PRPF8: variants seen among roughly 807,000 people sequenced by gnomAD.
PRPF8 encodes the protein pre-mRNA processing factor 8.
Under a neutral mutation model 285.9 loss-of-function variants are expected in PRPF8, and 64 were observed. The observed-to-expected ratio is 0.22, with a 90% CI of 0.18 to 0.28. The LOEUF is 0.28. Ranked by LOEUF, PRPF8 falls within the 10% of genes least tolerant of loss-of-function variation. PRPF8 has a pLI of 1.00. For synonymous variants in PRPF8, 1,325 were observed against 1,118.2 expected (o/e 1.18, Z -3.69); for missense variants, 1,426 against 3,026.7 (o/e 0.47, Z 12.41).
intron 28 of PRPF8, 32 bp downstream of exon 28, chr17:1,660,961 G>A (rs368265820): frequency 2.2e-5 from 35 of 1,613,000 alleles, no homozygotes; most frequent in Non-Finnish European, 2.5e-5. Context: ...AAAGGGTTGT[G>A]ACAGGTCCCT....
rs1290983270 is a variant in PRPF8 at position 1,673,326 on chromosome 17, C to G, written c.3657+31G>C. On this transcript the variant is annotated intron_variant, in intron 23 of 42. Transcript: ENST00000304992. The surrounding 1 kb of genome is among the most constrained non-coding windows in gnomAD (Gnocchi z 5.5). ...CTGACCCAGGAAGTGCAGGCGCGTT[C>G]ATGTCACTCCCAGCCCCGCCCAGGC... 5 of 1,612,742 alleles carry G rather than the reference C, an allele frequency of 3.1e-6. No homozygotes were observed. The highest frequency in any genetic ancestry group is 2.7e-5 in the African/African-American group (2 of 74,924).
rs749422559 is a variant in PRPF8 at position 1,674,513 on chromosome 17, G to A, written c.3228C>T (p.Asp1076=). Residue 1076 remains aspartate, a synonymous_variant, in exon 21 of 43, where the codon GAC becomes GAT. Coordinates refer to ENST00000304992, the MANE Select transcript of PRPF8 (RefSeq NM_006445.4). ...TGGGGTGGGCAGCCTCAGTGGCTATGTCCTGGAAACTGAGAAAGTCATTTG... is the reference window on the plus strand; with the variant it reads ...TGGGGTGGGCAGCCTCAGTGGCTATATCCTGGAAACTGAGAAAGTCATTTG... ...QMPNDFLSFQ[D]IATEAAHPIR... is the part of the protein sequence containing the mutation. 3.7e-6 allele frequency: 6 copies of A among 1,614,060 alleles called. No individual in the cohort carries two copies. In the African/African-American group the frequency reaches 5.3e-5, roughly 14 times the overall value.
Position 1,658,007 on chromosome 17 carries a change from T to A in PRPF8, c.5505+246A>T, listed in dbSNP as rs1373198736. 6.6e-6 allele frequency among the ~76,000 whole-genome samples: 1 copy of A among 150,824 alleles called. No individual in the cohort carries two copies. The highest frequency in any genetic ancestry group is 2.4e-5 in the African/African-American group (1 of 40,862). On this transcript the variant is annotated intron_variant, in intron 34 of 42. Coordinates refer to ENST00000304992, the MANE Select transcript of PRPF8 (RefSeq NM_006445.4). This position sits in a 1 kb window ranked among gnomAD's most constrained non-coding sequence, Gnocchi z 4.1. Reference sequence around the variant, plus strand: ...AAAAAAAAAGAGTATGCGTTGCCTTTGGAAAAATGATTTTTGATAGCCCTG... The same window carrying A: ...AAAAAAAAAGAGTATGCGTTGCCTTAGGAAAAATGATTTTTGATAGCCCTG...
Position 1,661,208 on chromosome 17 carries a change from C to T in PRPF8, c.4339-46G>A. 1 of 1,614,080 alleles carries T rather than the reference C, an allele frequency of 6.2e-7. No individual in the cohort carries two copies. Among genetic ancestry groups the T allele is most frequent in the Non-Finnish European group, 8.5e-7 (1 of 1,180,014 alleles). On this transcript the variant is annotated intron_variant, in intron 27 of 42. Coordinates refer to ENST00000304992, the MANE Select transcript of PRPF8 (RefSeq NM_006445.4). This position sits in a 1 kb window ranked among gnomAD's most constrained non-coding sequence, Gnocchi z 7.3. ...GGTCAAGCTTCTGGGTGCCTATTGC[C>T]CCAAGTTTCGGGGATAGCCATGGAT...
chr17:1,677,170 G>A lies in PRPF8; in HGVS notation c.1987C>T (p.Arg663Ter). 1 of 1,613,114 alleles carries A rather than the reference G, an allele frequency of 6.2e-7. No homozygotes were observed. Residue 663 changes from arginine to a stop codon, truncating the protein, a stop_gained and splice_region_variant, in exon 15 of 43, where the codon CGA becomes TGA. Coordinates refer to ENST00000304992, the MANE Select transcript of PRPF8 (RefSeq NM_006445.4). LOFTEE classifies it high-confidence loss of function. ...GTCTTTGCCACCCCCTTTGAGTGTC[G>A]ACCTGGAAGTAGAGTGTCCCAAGGG... ...GNLLARQFEGRHSKGVAKTVT... is the reference protein window; with the variant it reads ...GNLLARQFEG
Position 1,681,839 on chromosome 17 carries a change from G to A in PRPF8, c.634C>T (p.Pro212Ser). 1.2e-6 allele frequency: 2 copies of A among 1,613,800 alleles called. No individual in the cohort carries two copies. The highest frequency in any genetic ancestry group is 4.5e-5 in the East Asian group (2 of 44,886). Residue 212 changes from proline to serine, a missense_variant, in exon 5 of 43, where the codon CCG (proline) becomes TCG (serine). By Grantham distance (74) the Pro-to-Ser change is moderately conservative. Transcript: ENST00000304992. ...PVLDWFYDHQ[P>S]LRDSRKYVNG... is the part of the protein sequence containing the mutation. ...ACTCACTTCCTGCTGTCCCTCAACG[G>A]CTGGTGGTCATAGAACCAGTCCAAC...
intron 24 of PRPF8, among the ~76,000 whole-genome samples, chr17:1,665,450 A>C (rs1329187330): frequency 1.3e-5 from 2 of 152,030 alleles, no homozygotes; most frequent in African/African-American, 4.8e-5. Flanking sequence ...AGGCAGGAGA[A>C]TGACACAAAC....
Position 1,684,498 on chromosome 17 carries a change from A to T in PRPF8, c.74T>A (p.Met25Lys). ...PGPLAPLPDY[M>K]SEEKLQEKAR... ...TTTCTCCTGCAGCTTCTCCTCCGAC[A>T]TGTAGTCCGGTAGCGGGGCTAGAGG... Residue 25 changes from methionine (M) to lysine (K), a missense_variant, in exon 2 of 43, where the codon ATG (methionine) becomes AAG (lysine). By Grantham distance (95) the Met-to-Lys change is moderately conservative. This residue lies in a region of PRPF8 where 72 missense variants were observed against 80.0 expected (regional missense o/e 0.90). Coordinates refer to ENST00000304992, the MANE Select transcript of PRPF8 (RefSeq NM_006445.4). The T allele has an allele frequency of 6.2e-7, 1 of 1,612,538 alleles. No homozygotes were observed. Among genetic ancestry groups the T allele is most frequent in the Non-Finnish European group, 8.5e-7 (1 of 1,179,754 alleles).
chr17:1,651,561 T>G lies in PRPF8; in HGVS notation c.6511-8A>C, dbSNP rs752762890. On this transcript the variant is annotated splice_polypyrimidine_tract_variant and splice_region_variant and intron_variant, in intron 40 of 42. Transcript: ENST00000304992. This position sits in a 1 kb window ranked among gnomAD's most constrained non-coding sequence, Gnocchi z 5.1. ...ACCTAAGGGTTCCATCTCCTATAGGTAAAGAGGAGTACAGAGCTGAATCCC... is the reference window on the plus strand; with the variant it reads ...ACCTAAGGGTTCCATCTCCTATAGGGAAAGAGGAGTACAGAGCTGAATCCC... 5 of 1,613,732 alleles carry G rather than the reference T, an allele frequency of 3.1e-6. No individual in the cohort carries two copies. Among genetic ancestry groups the G allele is most frequent in the Non-Finnish European group, 3.4e-6 (4 of 1,179,980 alleles).
In PRPF8 at chr17:1,681,569, C is replaced by T. The variant is rs1373691735; in HGVS notation, c.775G>A (p.Asp259Asn). 1 of 1,613,790 alleles carries T rather than the reference C, an allele frequency of 6.2e-7. No homozygotes were observed. Among genetic ancestry groups the T allele is most frequent in the African/African-American group, 1.3e-5 (1 of 74,890 alleles). The change falls in exon 6 of 43, where the codon GAT (aspartate) becomes AAT (asparagine). Residue 259 changes from aspartate (D) to asparagine (N), a missense_variant. This residue lies in a region of PRPF8 where 157 missense variants were observed against 159.6 expected (regional missense o/e 0.98). Transcript: ENST00000304992. ...TTGGACGTAAAGAAGGCCTTCAAAT[C>T]AAACAGGTAGAAGTAGTTGTCATCC... ...LVDDNYFYLF[D>N]LKAFFTSKAL...
Position 1,656,572 on chromosome 17 carries a change from C to A in PRPF8, c.5620-7G>T. 6.2e-7 allele frequency: 1 copy of A among 1,614,140 alleles called. No individual in the cohort carries two copies. Among genetic ancestry groups the A allele is most frequent in the Non-Finnish European group, 8.5e-7 (1 of 1,180,022 alleles). On this transcript the variant is annotated splice_polypyrimidine_tract_variant and splice_region_variant and intron_variant, in intron 35 of 42. Transcript: ENST00000304992. ...GGAAGTCCAGTAAGTGCACCTAAGA[C>A]AAGATCAAGTCCAAGATGAGAAACA...
intron 14 of PRPF8, 136 bp downstream of exon 14, chr17:1,677,429 A>G (rs1053532002): frequency 7.6e-7 from 1 of 1,323,416 alleles, no homozygotes; most frequent in Admixed American, 1.7e-5. Flanking sequence ...ATACTAGGTC[A>G]GACTCATTTC....
chr17:1,679,427 A>G lies in PRPF8; in HGVS notation c.1290-17T>C. On this transcript the variant is annotated splice_polypyrimidine_tract_variant and intron_variant, in intron 9 of 42. Transcript: ENST00000304992. The surrounding 1 kb of genome is among the most constrained non-coding windows in gnomAD (Gnocchi z 4.7). Reference sequence around the variant, plus strand: ...TCCCGATACCTGGAAAAATAAGCCCACCAGAGTTTGGCCATCTCTTCTTCC... The same window carrying G: ...TCCCGATACCTGGAAAAATAAGCCCGCCAGAGTTTGGCCATCTCTTCTTCC... 6.2e-7 allele frequency: 1 copy of G among 1,611,230 alleles called. No homozygotes were observed. The highest frequency in any genetic ancestry group is 2.2e-5 in the East Asian group (1 of 44,842).
Position 1,678,505 on chromosome 17 carries a change from G to T in PRPF8, c.1854+13C>A. 1 of 1,614,136 alleles carries T rather than the reference G, an allele frequency of 6.2e-7. No individual in the cohort carries two copies. The highest frequency in any genetic ancestry group is 8.5e-7 in the Non-Finnish European group (1 of 1,180,024). ...TCTCAAAAAAAAGAAAGTCAGTAAA[G>T]TCAAGGTCTCACCGTGTTGAAACGA... On this transcript the variant is annotated intron_variant, in intron 13 of 42. Transcript: ENST00000304992.
intron 24 of PRPF8, among the ~76,000 whole-genome samples, chr17:1,669,982 T>C (rs1164028904): frequency 2.0e-5 from 3 of 152,224 alleles, no homozygotes; most frequent in South Asian, 2.1e-4. Flanking sequence ...TTTCTTCAGA[T>C]TGCTTCTCAC....
chr17:1,661,989 C>T lies in PRPF8; in HGVS notation c.3939G>A (p.Pro1313=), dbSNP rs35169383. Residue 1313 remains proline (P), a synonymous_variant, in exon 25 of 43, where the codon CCG becomes CCA. Coordinates refer to ENST00000304992, the MANE Select transcript of PRPF8 (RefSeq NM_006445.4). The surrounding 1 kb of genome is among the most constrained non-coding windows in gnomAD (Gnocchi z 7.3). ...LNSKMPSRFP[P]VVFYTPKELG... Reference sequence around the variant, plus strand: ...ACTCCTTAGGGGTGTAGAACACAACCGGGGGGAACCGACTTGGCATCTTGG... The same window carrying T: ...ACTCCTTAGGGGTGTAGAACACAACTGGGGGGAACCGACTTGGCATCTTGG... The T allele has an allele frequency of 0.034, 55,333 of 1,613,868 alleles. 1,079 individuals carry two copies. The highest frequency in any genetic ancestry group is 0.042 in the Middle Eastern group (254 of 6,062).
At chr17:1,668,339 A>G (rs969151665) in intron 24 of PRPF8, among the ~76,000 whole-genome samples, 5 of 147,154 alleles carry the variant, frequency 3.4e-5, no homozygotes, top group Non-Finnish European at 6.0e-5. Flanking sequence ...CAGTATCTCA[A>G]TGGGGTCTAG....
At position 1,678,660 on chromosome 17, in the gene PRPF8, A is replaced by G; in HGVS notation, c.1720-8T>C. The G allele has an allele frequency of 1.2e-6, 2 of 1,614,202 alleles. No individual in the cohort carries two copies. ...CTGCAATCCATCTGCCAGCTGCAAT[A>G]CAATTGCCCCATCAGACCTGGAGCT... On this transcript the variant is annotated splice_polypyrimidine_tract_variant and splice_region_variant and intron_variant, in intron 12 of 42. Transcript: ENST00000304992.
At chr17:1,671,257 T>A (rs1912301653) in intron 24 of PRPF8, among the ~76,000 whole-genome samples, 1 of 152,206 alleles carries the variant, frequency 6.6e-6, no homozygotes, top group Non-Finnish European at 1.5e-5. Context: ...CTAACTCTAG[T>A]GCTCTCACAG....
Sources: allele counts gnomAD v4.1 joint callset (sites outside exome capture counted in the v4.1 genomes callset), GRCh38; gene constraint gnomAD v4.1.1; regional missense constraint gnomAD v4.1.1; non-coding constraint Gnocchi (gnomAD v3.1); transcripts MANE v1.5; gene names NCBI Gene and HGNC (gene_info 2026-07-23, HGNC 2026-07-21).